Variants in CDH12 observed in about 807,000 individuals in gnomAD.
CDH12 encodes the protein cadherin-12.
CDH12 carries 41 observed loss-of-function variants against 74.1 expected under a neutral mutation model. The ratio of observed to expected loss-of-function variants is 0.55; its 90% CI spans 0.43 to 0.72. CDH12 has a LOEUF of 0.72. CDH12 is among the 30% of genes least tolerant of loss of function. CDH12 has a pLI of 0.00. For synonymous variants in CDH12, 399 were observed against 355.0 expected, an observed-to-expected ratio of 1.12 and a Z score of -1.39; for missense variants, 945 against 977.2, an observed-to-expected ratio of 0.97 and a Z score of 0.44.
intron 1 of CDH12, among the ~76,000 whole-genome samples, chr5:22,655,955 C>G (rs1287303094): frequency 6.6e-6 from 1 of 152,154 alleles, no homozygotes; most frequent in Non-Finnish European, 1.5e-5. Context: ...CTTTAGAAGT[C>G]TCTCAAGTGT....
intron 1 of CDH12, among the ~76,000 whole-genome samples, chr5:22,753,077 A>G (rs1473398610): frequency 6.6e-6 from 1 of 152,100 alleles, no homozygotes. Flanking sequence ...TTTGGCCAAG[A>G]GCAGACTGAT....
intron 1 of CDH12, among the ~76,000 whole-genome samples, chr5:22,851,280 G>A (rs970408946): frequency 6.6e-6 from 1 of 152,132 alleles, no homozygotes; most frequent in Non-Finnish European, 1.5e-5. Flanking sequence ...AGATCAGTGA[G>A]AGGAGTGAGT....
At chr5:22,527,644 T>G (rs1285455930) in intron 1 of CDH12, among the ~76,000 whole-genome samples, 1 of 152,152 alleles carries the variant, frequency 6.6e-6, no homozygotes, top group Admixed American at 6.6e-5. Context: ...ACAAATTTAT[T>G]TGTCAATCAT....
At chr5:22,366,612 C>G (rs116154956) in intron 3 of CDH12, among the ~76,000 whole-genome samples, 3,280 of 152,120 alleles carry the variant, frequency 0.022, 61 homozygotes, top group African/African-American at 0.05. Flanking sequence ...TCAGTTCTGA[C>G]TTTTGTTCAT....
chr5:21,762,485 C>A (rs958417866), intron 12 of CDH12, among the ~76,000 whole-genome samples: 1 of 152,012 alleles, frequency 6.6e-6, no homozygotes, highest in African/African-American at 2.4e-5. Context: ...GGCTCAAAAA[C>A]AGAACATATA....
At chr5:22,501,953 C>A (rs1421531378) in intron 2 of CDH12, among the ~76,000 whole-genome samples, 1 of 152,076 alleles carries the variant, frequency 6.6e-6, no homozygotes, top group African/African-American at 2.4e-5. Flanking sequence ...GATATTCATA[C>A]CAATGCCCTA....
At chr5:22,782,567 C>A (rs1747436419) in intron 1 of CDH12, among the ~76,000 whole-genome samples, 1 of 152,118 alleles carries the variant, frequency 6.6e-6, no homozygotes, top group Non-Finnish European at 1.5e-5. Context: ...ATAAACTACC[C>A]AGTCTTAGGT....
chr5:22,399,391 C>T (rs1046067077), intron 3 of CDH12, among the ~76,000 whole-genome samples: 5 of 151,934 alleles, frequency 3.3e-5, no homozygotes, highest in African/African-American at 4.8e-5. Flanking sequence ...ACAACAAAAA[C>T]GTAATCAAAT....
chr5:22,089,116 A>G (rs1472332050), intron 4 of CDH12, among the ~76,000 whole-genome samples: 1 of 152,190 alleles, frequency 6.6e-6, no homozygotes, highest in African/African-American at 2.4e-5. Flanking sequence ...GGCCATGATT[A>G]AAGATAGAAA....
At chr5:21,778,018 A>G (rs1456946857) in intron 11 of CDH12, among the ~76,000 whole-genome samples, 1 of 152,164 alleles carries the variant, frequency 6.6e-6, no homozygotes, top group Non-Finnish European at 1.5e-5. Flanking sequence ...ATGTTGTACA[A>G]TAGATCTCTT....
chr5:22,607,564 C>G (rs1016788872), intron 1 of CDH12, among the ~76,000 whole-genome samples: 1 of 152,196 alleles, frequency 6.6e-6, no homozygotes, highest in Non-Finnish European at 1.5e-5. Flanking sequence ...CGAATGGCCC[C>G]CATGATTCAA....
intron 4 of CDH12, among the ~76,000 whole-genome samples, chr5:22,079,136 G>A (rs558943948): frequency 6.6e-6 from 1 of 152,252 alleles, no homozygotes; most frequent in African/African-American, 2.4e-5. Flanking sequence ...ATTTTAAGGA[G>A]AAAAATACAG....
intron 6 of CDH12, among the ~76,000 whole-genome samples, chr5:21,877,892 A>G (rs1752024098): frequency 6.6e-6 from 1 of 152,224 alleles, no homozygotes; most frequent in South Asian, 2.1e-4. Flanking sequence ...AGAAAAATGG[A>G]TATCATGTGT....
chr5:21,931,923 A>T (rs1754857356), intron 6 of CDH12, among the ~76,000 whole-genome samples: 1 of 152,218 alleles, frequency 6.6e-6, no homozygotes, highest in East Asian at 1.9e-4. Flanking sequence ...AATAAAAATC[A>T]TGCTGTTGAT....
rs887065105 is a variant in CDH12, at chr5:22,586,107, T to G, written c.-522-80743A>C. On this transcript the variant is annotated intron_variant, in intron 1 of 14. Transcript: ENST00000382254. The stretch of plus-strand genomic sequence containing the variant: ...AACCAACCCAAATGTCCAACAATGA[T>G]AGACTGGATTAAGAAAATGTGGCAC... Among the ~76,000 whole-genome samples the G allele has an allele frequency of 2.6e-5, 4 of 152,146 alleles. No individual in the cohort carries two copies. In the South Asian group the frequency reaches 8.3e-4, roughly 31 times the overall value.
intron 9 of CDH12, among the ~76,000 whole-genome samples, chr5:21,805,217 C>T (rs1033212889): frequency 6.6e-6 from 1 of 152,192 alleles, no homozygotes; most frequent in African/African-American, 2.4e-5. Context: ...TGTTGAAGTA[C>T]TTCTAATTAT....
At chr5:22,549,486 T>C (rs1032779495) in intron 1 of CDH12, among the ~76,000 whole-genome samples, 1 of 152,200 alleles carries the variant, frequency 6.6e-6, no homozygotes, top group Non-Finnish European at 1.5e-5. Context: ...TTTATATTTT[T>C]GTATTTTTTA....
intron 1 of CDH12, among the ~76,000 whole-genome samples, chr5:22,695,462 A>C (rs1038094033): frequency 6.6e-6 from 1 of 152,218 alleles, no homozygotes; most frequent in Non-Finnish European, 1.5e-5. Context: ...AAATAACACC[A>C]CAAGTCTACA....
At chr5:22,421,958 A>G (rs1486022608) in intron 2 of CDH12, among the ~76,000 whole-genome samples, 1 of 152,032 alleles carries the variant, frequency 6.6e-6, no homozygotes, top group African/African-American at 2.4e-5. Context: ...GCTTTTTTTC[A>G]TATGTTGGTT....
Sources: gnomAD v4.1 joint callset for allele counts (sites outside exome capture counted in the v4.1 genomes callset) on GRCh38, gnomAD v4.1.1 for gene constraint, MANE v1.5 for transcripts, NCBI Gene and HGNC (gene_info 2026-07-23, HGNC 2026-07-21) for gene names.